Variants in EPHA3 observed in about 807,000 individuals in gnomAD.
EPHA3 encodes EPH receptor A3.
A neutral mutation model predicts 107.1 loss-of-function variants in EPHA3; 42 were observed. The ratio of observed to expected loss-of-function variants is 0.39; its 90% CI spans 0.31 to 0.51. The LOEUF (loss-of-function observed/expected upper bound fraction) is 0.51. Among genes scored for constraint, EPHA3 ranks in the 20% least tolerant of loss-of-function variants. The pLI is 0.78. For missense variants in EPHA3, 1,183 were observed against 1,211.2 expected (o/e 0.98, Z 0.35); for synonymous variants, 461 against 424.8 (o/e 1.09, Z -1.05).
chr3:89,334,566 T>A (rs953607887), intron 3 of EPHA3, among the ~76,000 whole-genome samples: 5 of 152,220 alleles, frequency 3.3e-5, no homozygotes, highest in African/African-American at 1.2e-4. Context: ...ATTGAAGTCC[T>A]GATAAGACAA....
chr3:89,181,987 T>G (rs2107120883), intron 2 of EPHA3, among the ~76,000 whole-genome samples: 1 of 152,064 alleles, frequency 6.6e-6, no homozygotes, highest in Middle Eastern at 3.4e-3. Context: ...AGATAGCATT[T>G]GACCAGTGAT....
At chr3:89,244,995 A>G (rs2107252219) in intron 3 of EPHA3, among the ~76,000 whole-genome samples, 2 of 152,332 alleles carry the variant, frequency 1.3e-5, no homozygotes, top group Middle Eastern at 3.4e-3. Context: ...GAATTATTAA[A>G]GTGTATTGCA....
intron 3 of EPHA3, among the ~76,000 whole-genome samples, chr3:89,327,244 A>C (rs1259815080): frequency 2.6e-5 from 4 of 152,160 alleles, no homozygotes; most frequent in Non-Finnish European, 5.9e-5. Flanking sequence ...AAGATATATC[A>C]ATTTTCAACT....
chr3:89,186,654 C>T (rs183898029), intron 2 of EPHA3, among the ~76,000 whole-genome samples: 15 of 152,112 alleles, frequency 9.9e-5, no homozygotes, highest in Admixed American at 6.6e-5. Flanking sequence ...ACATTTGAGA[C>T]CTGGACAAGT....
At chr3:89,153,774 T>C (rs1400859228) in intron 2 of EPHA3, among the ~76,000 whole-genome samples, 1 of 152,038 alleles carries the variant, frequency 6.6e-6, no homozygotes, top group Non-Finnish European at 1.5e-5. Flanking sequence ...AATCTACTTA[T>C]CTCACTCCTT....
chr3:89,244,866 G>A (rs759539421), intron 3 of EPHA3, among the ~76,000 whole-genome samples: 16 of 152,148 alleles, frequency 1.1e-4, no homozygotes, highest in African/African-American at 2.2e-4. Context: ...CGGAAATGAA[G>A]TGACACATTT....
chr3:89,359,499 G>A (rs923667608), intron 5 of EPHA3, among the ~76,000 whole-genome samples: 4 of 150,212 alleles, frequency 2.7e-5, no homozygotes, highest in African/African-American at 9.7e-5. Flanking sequence ...TAGTACTTAA[G>A]GAGATTTTAT....
chr3:89,351,358 C>T (rs1264986446), intron 5 of EPHA3, among the ~76,000 whole-genome samples: 2 of 151,088 alleles, frequency 1.3e-5, no homozygotes, highest in Admixed American at 6.6e-5. Flanking sequence ...GCGCAATATT[C>T]GGGTGGGAGT....
chr3:89,352,070 T>C (rs1387776758), intron 5 of EPHA3, among the ~76,000 whole-genome samples: 9 of 151,252 alleles, frequency 6.0e-5, no homozygotes, highest in African/African-American at 1.9e-4. Flanking sequence ...AGAGAGAACG[T>C]GACTTCATTT....
intron 5 of EPHA3, among the ~76,000 whole-genome samples, chr3:89,380,034 A>G (rs1300373661): frequency 1.3e-5 from 2 of 152,240 alleles, no homozygotes; most frequent in African/African-American, 4.8e-5. Flanking sequence ...TATACAAGCC[A>G]TATGGGCCAG....
chr3:89,192,994 A>G (rs907291096), intron 2 of EPHA3, among the ~76,000 whole-genome samples: 4 of 152,130 alleles, frequency 2.6e-5, no homozygotes, highest in African/African-American at 9.6e-5. Flanking sequence ...TATTATTAAT[A>G]CATAAACTTT....
chr3:89,479,113 G>A (rs564459805), intron 16 of EPHA3, among the ~76,000 whole-genome samples: 5 of 151,900 alleles, frequency 3.3e-5, no homozygotes, highest in African/African-American at 9.7e-5. Flanking sequence ...TTTCCCAATC[G>A]GTGTATTAAT....
chr3:89,354,990 C>G (rs527461416), intron 5 of EPHA3, among the ~76,000 whole-genome samples: 9 of 151,234 alleles, frequency 6.0e-5, no homozygotes, highest in African/African-American at 1.9e-4. Flanking sequence ...CAAAATTTCA[C>G]ATGATTGTAT....
At chr3:89,209,793 A>T in intron 2 of EPHA3, 67 bp from the exon 3 acceptor site, 1 of 1,323,780 alleles carries the variant, frequency 7.6e-7, no homozygotes, top group Non-Finnish European at 1.0e-6. Flanking sequence ...TGGCTCTGAC[A>T]CCCTTATGTT....
At chr3:89,176,970 G>A (rs7617920) in intron 2 of EPHA3, among the ~76,000 whole-genome samples, 122,023 of 152,030 alleles carry the variant, frequency 0.8, 48,998 homozygotes, top group Admixed American at 0.86. Flanking sequence ...GCCACATACA[G>A]GACACATATC....
At position 89,107,794 on chromosome 3, in the gene EPHA3, C is replaced by G. The variant is rs1707007423; in HGVS notation, c.46C>G (p.Leu16Val). The G allele has an allele frequency of 6.2e-7, 1 of 1,614,198 alleles. No homozygotes were observed. The highest frequency in any genetic ancestry group is 1.7e-5 in the Admixed American group (1 of 60,026). The part of the protein sequence containing the change: ...SILLLLSCSV[L>V]DSFGELIPQP... Reference sequence around the variant, plus strand: ...CCTCCTCCTTCTCAGCTGCTCTGTTCTCGACAGCTTCGGGGAACTGATTCC... The same window carrying G: ...CCTCCTCCTTCTCAGCTGCTCTGTTGTCGACAGCTTCGGGGAACTGATTCC... Residue 16 changes from leucine to valine, a missense_variant, in exon 1 of 17, where the codon CTC becomes GTC. Coordinates refer to ENST00000336596, the MANE Select transcript of EPHA3 (RefSeq NM_005233.6).
intron 2 of EPHA3, among the ~76,000 whole-genome samples, chr3:89,167,840 T>C (rs2107087935): frequency 6.6e-6 from 1 of 152,286 alleles, no homozygotes; most frequent in South Asian, 2.1e-4. Flanking sequence ...CTCTCATGTT[T>C]ATACTGTGTC....
chr3:89,169,060 G>A (rs371431250), intron 2 of EPHA3, among the ~76,000 whole-genome samples: 1 of 152,122 alleles, frequency 6.6e-6, no homozygotes, highest in East Asian at 1.9e-4. Flanking sequence ...TTCCTTGGCT[G>A]GAGGTTTGGA....
At chr3:89,383,080 G>C (rs1172483459) in intron 5 of EPHA3, among the ~76,000 whole-genome samples, 1 of 152,024 alleles carries the variant, frequency 6.6e-6, no homozygotes, top group East Asian at 1.9e-4. Context: ...TCATAAATTT[G>C]AAAGTTAATG....
Sources: gnomAD v4.1 joint callset for allele counts (sites outside exome capture counted in the v4.1 genomes callset) on GRCh38, gnomAD v4.1.1 for gene constraint, MANE v1.5 for transcripts, NCBI Gene and HGNC (gene_info 2026-07-23, HGNC 2026-07-21) for gene names.